The following FBN3 variants were observed in gnomAD, a reference collection of about 807,000 sequenced individuals.
FBN3 encodes the protein fibrillin-3.
A neutral mutation model predicts 330.1 loss-of-function variants in FBN3; 234 were observed. The observed-to-expected ratio is 0.71, with a 90% CI of 0.64 to 0.79. The LOEUF (loss-of-function observed/expected upper bound fraction) is 0.79, where lower values mean the gene tolerates loss of function less well. Among genes scored for constraint, FBN3 ranks in the 30% least tolerant of loss-of-function variants. FBN3 has a pLI of 0.00. For missense variants in FBN3, 3,606 were observed against 3,886.9 expected (o/e 0.93, Z 1.92); for synonymous variants, 1,458 against 1,517.3 (o/e 0.96, Z 0.91).
Position 8,123,949 on chromosome 19 carries a change from G to A in FBN3, c.2791C>T (p.Pro931Ser). The A allele has an allele frequency of 3.7e-6, 6 of 1,614,136 alleles. No individual in the cohort carries two copies. Among genetic ancestry groups the A allele is most frequent in the Non-Finnish European group, 5.1e-6 (6 of 1,180,028 alleles). The change falls in exon 23 of 64, where the codon CCT (proline) becomes TCT (serine). Residue 931 changes from proline to serine, a missense_variant. Coordinates refer to ENST00000600128, the MANE Select transcript of FBN3 (RefSeq NM_032447.5). ...WDEDECGVTLPGKYRMDVCCC... is the reference protein window; with the variant it reads ...WDEDECGVTLSGKYRMDVCCC... ...CAGACGTCCATCCGGTACTTGCCAG[G>A]CAGGGTGACCCCACACTCATCCTCA...
At chr19:8,086,368 G>A (rs2081958978) in intron 54 of FBN3, 43 bp from the exon 55 acceptor site, 2 of 1,543,836 alleles carry the variant, frequency 1.3e-6, no homozygotes, top group Non-Finnish European at 1.8e-6. Flanking sequence ...GAGGCCACAG[G>A]CAGCCAGCCT....
At chr19:8,139,602 T>A (rs1350683667) in intron 8 of FBN3, among the ~76,000 whole-genome samples, 1 of 151,658 alleles carries the variant, frequency 6.6e-6, no homozygotes, top group Admixed American at 6.6e-5. Context: ...CCTACGAGAC[T>A]GTGAATTTCA....
chr19:8,114,397 G>A (rs1439814997), intron 30 of FBN3, among the ~76,000 whole-genome samples: 1 of 151,982 alleles, frequency 6.6e-6, no homozygotes, highest in Non-Finnish European at 1.5e-5. Flanking sequence ...TTACAGGCGT[G>A]CGCCACCACG....
At chr19:8,125,399 GTGAGACC>G (rs1400544411) in intron 22 of FBN3, among the ~76,000 whole-genome samples, 1 of 149,440 alleles carries the variant, frequency 6.7e-6, no homozygotes. Flanking sequence ...GGGTGACAGA[GTGAGACC>G]CTGTCTCAAG....
At chr19:8,086,162 G>A (rs758721145) in intron 55 of FBN3, 38 bp downstream of exon 55, 1 of 1,505,824 alleles carries the variant, frequency 6.6e-7, no homozygotes, top group South Asian at 1.2e-5. Flanking sequence ...CCACATGGTA[G>A]GTGGTTGCAA....
intron 63 of FBN3, among the ~76,000 whole-genome samples, chr19:8,069,451 G>T (rs1036550725): frequency 2.0e-5 from 3 of 151,424 alleles, no homozygotes; most frequent in African/African-American, 7.3e-5. Context: ...TTTTGCTGTT[G>T]CATTCAAGTG....
At position 8,090,215 on chromosome 19, in the gene FBN3, G is replaced by C; in HGVS notation, c.6068C>G (p.Ala2023Gly). The change falls in exon 49 of 64, where the codon GCT (alanine) becomes GGT (glycine). Residue 2023 changes from alanine (A) to glycine (G), a missense_variant. Coordinates refer to ENST00000600128, the MANE Select transcript of FBN3 (RefSeq NM_032447.5). ...RQSFCFTRFE[A>G]GKCSVPKAFN... is the part of the protein sequence containing the mutation. ...AGCTTTGGGCACCGAGCACTTCCCA[G>C]CCTCAAAACGGGTGAAGCAGAAACT... The C allele has an allele frequency of 1.2e-6, 2 of 1,614,042 alleles. No individual in the cohort carries two copies. The highest frequency in any genetic ancestry group is 1.7e-6 in the Non-Finnish European group (2 of 1,180,000).
intron 38 of FBN3, among the ~76,000 whole-genome samples, chr19:8,104,360 A>G (rs1185992565): frequency 6.6e-6 from 1 of 151,260 alleles, no homozygotes; most frequent in Non-Finnish European, 1.5e-5. Context: ...GGTCCCAGCT[A>G]CTTGAGAGGC....
Position 8,109,259 on chromosome 19 carries a change from T to C in FBN3, c.4586A>G (p.Asn1529Ser). The C allele has an allele frequency of 4.3e-6, 7 of 1,613,974 alleles. No homozygotes were observed. Among genetic ancestry groups the C allele is most frequent in the Non-Finnish European group, 4.2e-6 (5 of 1,179,990 alleles). ...CCCSLGRAWGNPCELCPMANT... is the reference protein window; with the variant it reads ...CCCSLGRAWGSPCELCPMANT... ...GGCCATAGGGCACAGCTCACAGGGA[T>C]TGCCCCAAGCCCGGCCCAGGGAGCA... Residue 1529 changes from asparagine (N) to serine (S), a missense_variant, in exon 36 of 64, where the codon AAT (asparagine) becomes AGT (serine). Coordinates refer to ENST00000600128, the MANE Select transcript of FBN3 (RefSeq NM_032447.5). The surrounding 1 kb of genome is among the most constrained non-coding windows in gnomAD (Gnocchi z 5.2).
At chr19:8,082,177 C>T (rs1346040781) in intron 57 of FBN3, among the ~76,000 whole-genome samples, 1 of 151,954 alleles carries the variant, frequency 6.6e-6, no homozygotes, top group Non-Finnish European at 1.5e-5. Flanking sequence ...TGATGTTGGC[C>T]AGGCTGGTCT....
chr19:8,070,316 T>C (rs1027635275), intron 63 of FBN3, among the ~76,000 whole-genome samples: 1 of 152,248 alleles, frequency 6.6e-6, no homozygotes, highest in Non-Finnish European at 1.5e-5. Flanking sequence ...TAAAAGATGA[T>C]ATGTTTTACA....
At chr19:8,139,633 G>A (rs867094099) in intron 8 of FBN3, among the ~76,000 whole-genome samples, 4 of 151,830 alleles carry the variant, frequency 2.6e-5, no homozygotes, top group Non-Finnish European at 5.9e-5. Context: ...CCAAGGAGTC[G>A]AGGGGTGGAT....
chr19:8,139,356 T>C (rs1039382694), intron 8 of FBN3, among the ~76,000 whole-genome samples: 1 of 151,952 alleles, frequency 6.6e-6, no homozygotes, highest in African/African-American at 2.4e-5. Flanking sequence ...CAAAAATAAA[T>C]AAATAAATAA....
Position 8,109,883 on chromosome 19 carries a change from A to C in FBN3, c.4334-130T>G. On this transcript the variant is annotated intron_variant, in intron 34 of 63. Transcript: ENST00000600128. This position sits in a 1 kb window ranked among gnomAD's most constrained non-coding sequence, Gnocchi z 5.2. ...GGGCACCAGATTGTGGGACAATGTC[A>C]TGTCCTTCCCTGGGAAGAAACCTAA... 2.2e-5 allele frequency: 23 copies of C among 1,035,424 alleles called. No homozygotes were observed. The highest frequency in any genetic ancestry group is 2.9e-5 in the Non-Finnish European group (22 of 753,462). The allele number at this position is 1,035,424 out of a possible 1,614,324, so 64.1% of individuals were successfully genotyped here.
Position 8,081,490 on chromosome 19 carries a change from G to A in FBN3, c.7214-10C>T. 1 of 1,596,400 alleles carries A rather than the reference G, an allele frequency of 6.3e-7. No homozygotes were observed. The highest frequency in any genetic ancestry group is 1.1e-5 in the South Asian group (1 of 87,992). ...CTGCACTCATCCATATCTGGGGAAGGACAGCGTGGGTAGTGGGGCGGGGTT... is the reference window on the plus strand; with the variant it reads ...CTGCACTCATCCATATCTGGGGAAGAACAGCGTGGGTAGTGGGGCGGGGTT... On this transcript the variant is annotated splice_polypyrimidine_tract_variant and intron_variant, in intron 57 of 63. Coordinates refer to ENST00000600128, the MANE Select transcript of FBN3 (RefSeq NM_032447.5).
rs1410601683 is a variant in FBN3 at position 8,146,335 on chromosome 19, T to G, written c.251-110A>C. ...ACCTCAGTGGACGCTGCTGGTCATC[T>G]GCATCCCCGGCTCTGCTCATAGCAC... On this transcript the variant is annotated intron_variant, in intron 3 of 63. Transcript: ENST00000600128. 5 of 856,964 alleles carry G rather than the reference T, an allele frequency of 5.8e-6. No individual in the cohort carries two copies. In the African/African-American group the frequency reaches 6.7e-5, roughly 11 times the overall value. The allele number at this position is 856,964 out of a possible 1,614,324, so 53.1% of individuals were successfully genotyped here. A position where few individuals can be genotyped will look rare whatever the true frequency, so the allele number is the denominator to read the frequency against.
rs1206496532 is a variant in FBN3, at chr19:8,145,891, C to A, written c.397G>T (p.Ala133Ser). ...SCMNGGTCRG[A>S]SCLCQKGYTG... ...TAGCCCTTCTGACACAGACAGGACG[C>A]CCCCCGGCAGGTGCCCCCATTCATA... The change falls in exon 5 of 64, where the codon GCG becomes TCG. Residue 133 changes from alanine (A) to serine (S), a missense_variant. Transcript: ENST00000600128. 3.9e-6 allele frequency: 6 copies of A among 1,551,054 alleles called. No individual in the cohort carries two copies. The highest frequency in any genetic ancestry group is 5.2e-6 in the Non-Finnish European group (6 of 1,146,940).
At chr19:8,075,237 G>T in intron 60 of FBN3, 46 bp downstream of exon 60, 1 of 1,583,600 alleles carries the variant, frequency 6.3e-7, no homozygotes, top group Non-Finnish European at 8.6e-7. Context: ...CGGCTCTCAG[G>T]ACCAACACCC....
Position 8,117,326 on chromosome 19 carries a change from G to C in FBN3, c.3464-35C>G, listed in dbSNP as rs371857748. 2.6e-6 allele frequency: 4 copies of C among 1,563,020 alleles called. No homozygotes were observed. The East Asian group carries it at 7.2e-5, about 28-fold the overall frequency. On this transcript the variant is annotated intron_variant, in intron 27 of 63. Coordinates refer to ENST00000600128, the MANE Select transcript of FBN3 (RefSeq NM_032447.5). ...GCAGGGCAGACAGGGGCTGGGGCTG[G>C]GGGGAGGGGTCCAGGATGGGGAGGG...
Sources: allele counts gnomAD v4.1 joint callset (sites outside exome capture counted in the v4.1 genomes callset), GRCh38; gene constraint gnomAD v4.1.1; non-coding constraint Gnocchi (gnomAD v3.1); transcripts MANE v1.5; gene names NCBI Gene and HGNC (gene_info 2026-07-23, HGNC 2026-07-21).